The following CNTNAP3B variants were observed in gnomAD, a reference collection of about 807,000 sequenced individuals.
CNTNAP3B encodes contactin-associated protein-like 3B.
Under a neutral mutation model 108.9 loss-of-function variants are expected in CNTNAP3B, and 25 were observed. The observed-to-expected ratio is 0.23, with a 90% CI of 0.17 to 0.32. The LOEUF (loss-of-function observed/expected upper bound fraction) is 0.32. CNTNAP3B is among the 10% of genes least tolerant of loss of function. The pLI is 1.00. For synonymous variants in CNTNAP3B, 103 were observed against 473.4 expected, an observed-to-expected ratio of 0.22 and a Z score of 10.16; for missense variants, 252 against 1,210.4, an observed-to-expected ratio of 0.21 and a Z score of 11.75.
intron 18 of CNTNAP3B, among the ~76,000 whole-genome samples, chr9:41,919,527 G>A (rs1273279322): frequency 2.6e-5 from 4 of 152,304 alleles, no homozygotes; most frequent in Non-Finnish European, 2.9e-5. Flanking sequence ...TCCTGTTAAT[G>A]ACTGTCAATA....
chr9:42,033,125 C>A lies in CNTNAP3B; in HGVS notation c.391-19600G>T, dbSNP rs1439962665. On this transcript the variant is annotated intron_variant, in intron 3 of 23. Transcript: ENST00000377561. The stretch of plus-strand genomic sequence containing the variant: ...AAACTAAGTACTGTGTCTATAAAAA[C>A]AAATATCAAAATCTGTTTCTCAGTG... 3.6e-5 allele frequency among the ~76,000 whole-genome samples: 5 copies of A among 137,238 alleles called. No homozygotes were observed. The East Asian group carries it at 1.2e-3, about 32-fold the overall frequency. The allele number at this position is 137,238 out of a possible 152,430, so 90.0% of individuals were successfully genotyped here.
rs1347891533 is a variant in CNTNAP3B, at chr9:41,999,418, G to A, written c.539-814C>T. Among the ~76,000 whole-genome samples the A allele has an allele frequency of 2.6e-3, 47 of 18,184 alleles. 1 individual carries two copies. Among genetic ancestry groups the A allele is most frequent in the African/African-American group, 0.017 (47 of 2,846 alleles). 11.9% of individuals were successfully genotyped at this position (18,184 alleles called of 152,430 possible). ...AAAACTGAAGTTCTCTAGGAAAGAA[G>A]GAATTTTGCCTCCAGACAACCTCTG... On this transcript the variant is annotated intron_variant, in intron 4 of 23. Coordinates refer to ENST00000377561, the MANE Select transcript of CNTNAP3B (RefSeq NM_001201380.3).
In CNTNAP3B at chr9:41,981,826, G is replaced by A. The variant is rs567472761; in HGVS notation, c.1477+4342C>T. Among the ~76,000 whole-genome samples the A allele has an allele frequency of 1.9e-4, 11 of 58,508 alleles. 2 individuals carry two copies. Among genetic ancestry groups the A allele is most frequent in the African/African-American group, 6.2e-4 (10 of 16,194 alleles). The allele number at this position is 58,508 out of a possible 152,430, so 38.4% of individuals were successfully genotyped here. A position where few individuals can be genotyped will look rare whatever the true frequency, so the allele number is the denominator to read the frequency against. On this transcript the variant is annotated intron_variant, in intron 9 of 23. Transcript: ENST00000377561. The stretch of plus-strand genomic sequence containing the variant: ...CCAACACTTTGGGAGGGTGAGGTGG[G>A]AGGATAGCTTGAACCTCGGAGTTTG...
At chr9:42,018,394 C>T (rs1273692379) in intron 3 of CNTNAP3B, among the ~76,000 whole-genome samples, 2 of 139,240 alleles carry the variant, frequency 1.4e-5, no homozygotes, top group East Asian at 4.3e-4. Context: ...ACCGATCATT[C>T]CTTCATGATT....
intron 1 of CNTNAP3B, among the ~76,000 whole-genome samples, chr9:42,108,725 T>G (rs1828130062): frequency 7.4e-6 from 1 of 135,214 alleles, no homozygotes; most frequent in African/African-American, 3.0e-5. Context: ...GGTGATTAGC[T>G]CTGCCTAGGT....
chr9:42,110,793 C>T, intron 1 of CNTNAP3B, among the ~76,000 whole-genome samples: 1 of 138,504 alleles, frequency 7.2e-6, no homozygotes, highest in Non-Finnish European at 1.5e-5. Context: ...TGTACCTTAA[C>T]ATTATCTTAA....
intron 3 of CNTNAP3B, among the ~76,000 whole-genome samples, chr9:42,074,850 AT>A (rs1233630958): frequency 7.2e-6 from 1 of 139,184 alleles, no homozygotes; most frequent in Non-Finnish European, 1.5e-5. Context: ...TTCAGGAAAC[AT>A]TTCCTGATGT....
intron 12 of CNTNAP3B, among the ~76,000 whole-genome samples, chr9:41,954,725 C>A (rs1173366231): frequency 6.6e-6 from 1 of 152,196 alleles, no homozygotes; most frequent in Non-Finnish European, 1.5e-5. Context: ...GCTCTGTTGC[C>A]CAGGCTGGAG....
intron 7 of CNTNAP3B, among the ~76,000 whole-genome samples, chr9:41,995,817 C>T (rs566218057): frequency 2.2e-5 from 3 of 137,734 alleles, no homozygotes; most frequent in Middle Eastern, 3.7e-3. Flanking sequence ...AGGCAGATCA[C>T]CTGAGGTCAG....
chr9:42,109,395 G>A (rs1219648878), intron 1 of CNTNAP3B, among the ~76,000 whole-genome samples: 2 of 147,326 alleles, frequency 1.4e-5, no homozygotes, highest in Non-Finnish European at 1.5e-5. Context: ...CATAAACCAT[G>A]CATTTTCAAA....
chr9:41,942,741 T>C (rs1824397413), intron 13 of CNTNAP3B, among the ~76,000 whole-genome samples: 1 of 152,248 alleles, frequency 6.6e-6, no homozygotes, highest in Admixed American at 6.5e-5. Flanking sequence ...GAAAGAGCTG[T>C]CAATTTTAGA....
At chr9:42,019,591 CAAA>C (rs569640352) in intron 3 of CNTNAP3B, among the ~76,000 whole-genome samples, 9,108 of 97,258 alleles carry the variant, frequency 0.094, 38 homozygotes, top group Middle Eastern at 0.16. Context: ...ATCTCTACTT[CAAA>C]AAAAAAAAAA....
intron 3 of CNTNAP3B, among the ~76,000 whole-genome samples, chr9:42,035,267 ATTTT>A (rs1826600510): frequency 7.0e-6 from 1 of 141,874 alleles, no homozygotes; most frequent in African/African-American, 2.7e-5. Context: ...ATTCTTTACC[ATTTT>A]ACAGATTAGC....
chr9:41,918,683 A>G (rs1419540117), intron 18 of CNTNAP3B, among the ~76,000 whole-genome samples: 1 of 143,066 alleles, frequency 7.0e-6, no homozygotes, highest in Non-Finnish European at 1.5e-5. Context: ...ATCCTTAAGA[A>G]AATTTTGGGT....
chr9:42,036,107 C>G (rs566847186), intron 3 of CNTNAP3B, among the ~76,000 whole-genome samples: 345 of 149,852 alleles, frequency 2.3e-3, no homozygotes, highest in African/African-American at 8.4e-3. Context: ...GACTCCGTCT[C>G]AAAAAACAAA....
At chr9:41,990,219 C>T (rs1293915415) in intron 8 of CNTNAP3B, among the ~76,000 whole-genome samples, 1 of 137,828 alleles carries the variant, frequency 7.3e-6, no homozygotes, top group Non-Finnish European at 1.5e-5. Context: ...GTACTTATTT[C>T]CCTAACACTG....
intron 11 of CNTNAP3B, among the ~76,000 whole-genome samples, chr9:41,961,943 A>G (rs1353877503): frequency 1.3e-5 from 2 of 152,304 alleles, no homozygotes; most frequent in Admixed American, 6.5e-5. Context: ...ATAGATACAT[A>G]TATTTGTATA....
chr9:41,947,436 C>T (rs1180938765), intron 13 of CNTNAP3B, among the ~76,000 whole-genome samples: 1 of 152,136 alleles, frequency 6.6e-6, no homozygotes, highest in Non-Finnish European at 1.5e-5. Flanking sequence ...AAAGAATATG[C>T]TTCAAAGAAA....
chr9:42,021,864 C>T (rs1388821944), intron 3 of CNTNAP3B, among the ~76,000 whole-genome samples: 1 of 137,520 alleles, frequency 7.3e-6, no homozygotes, highest in Admixed American at 7.3e-5. Context: ...TGCCTTTGCA[C>T]AAATTCTAAC....
Sources: gnomAD v4.1 joint callset for allele counts (sites outside exome capture counted in the v4.1 genomes callset) on GRCh38, gnomAD v4.1.1 for gene constraint, MANE v1.5 for transcripts, NCBI Gene and HGNC (gene_info 2026-07-23, HGNC 2026-07-21) for gene names.